THOC2: variants seen among roughly 807,000 people sequenced by gnomAD.
The protein encoded by THOC2 is THO complex subunit 2.
In THOC2, 10 loss-of-function variants were observed where a neutral mutation model predicts 128.4. That is an observed-to-expected ratio of 0.08 (90% CI 0.05 to 0.13). The LOEUF (loss-of-function observed/expected upper bound fraction) is 0.13. THOC2 is among the 10% of genes least tolerant of loss of function. THOC2 has a pLI of 1.00. For synonymous variants in THOC2, 393 were observed against 396.9 expected, an observed-to-expected ratio of 0.99 and a Z score of 0.12; for missense variants, 535 against 1,155.7, an observed-to-expected ratio of 0.46 and a Z score of 7.79.
intron 7 of THOC2, among the ~76,000 whole-genome samples, chrX:123,686,966 T>C (rs1200972971): frequency 8.9e-6 from 1 of 111,938 alleles, no homozygotes; most frequent in Non-Finnish European, 1.9e-5. Context: ...GGACCAGTGA[T>C]ACCAGTCAAA....
intron 30 of THOC2, among the ~76,000 whole-genome samples, chrX:123,622,450 C>G (rs1488229554): frequency 5.3e-5 from 6 of 112,225 alleles, no homozygotes; most frequent in Admixed American, 3.8e-4. Flanking sequence ...GGATGTAAAG[C>G]GTATCAGCAA....
At chrX:123,730,225 C>T in intron 1 of THOC2, among the ~76,000 whole-genome samples, 1 of 107,294 alleles carries the variant, frequency 9.3e-6, no homozygotes, top group African/African-American at 3.4e-5. Flanking sequence ...GTTACCCATG[C>T]TGGAGTGCAA....
In THOC2 at chrX:123,696,100, C is replaced by T. The variant is rs774746042; in HGVS notation, c.522G>A (p.Lys174=). 1.3e-5 allele frequency: 16 copies of T among 1,187,616 alleles called. No homozygotes were observed. The highest frequency in any genetic ancestry group is 2.2e-5 in the Admixed American group (1 of 45,431). Residue 174 remains lysine, a synonymous_variant, in exon 7 of 39, where the codon AAG becomes AAA. Transcript: ENST00000245838. ...AATCTTGCCCCAATTCAGCAATCAG[C>T]TTGGCATAACCTTCATTCTCTTCTC... is the stretch of plus-strand genomic sequence containing the variant. ...LLREENEGYA[K]LIAELGQDLS...
At chrX:123,710,454 T>TA (rs1278036252) in intron 2 of THOC2, among the ~76,000 whole-genome samples, 1 of 112,146 alleles carries the variant, frequency 8.9e-6, no homozygotes, top group African/African-American at 3.2e-5. Context: ...AGAAAAAAGA[T>TA]AAAGTACCCA....
At chrX:123,672,858 G>T (rs2049335675) in intron 8 of THOC2, among the ~76,000 whole-genome samples, 1 of 112,402 alleles carries the variant, frequency 8.9e-6, no homozygotes, top group Non-Finnish European at 1.9e-5. Flanking sequence ...AATACACTAT[G>T]TTCTTTTTAT....
chrX:123,653,093 G>T (rs2048425334), intron 12 of THOC2, among the ~76,000 whole-genome samples: 1 of 111,603 alleles, frequency 9.0e-6, no homozygotes, highest in African/African-American at 3.3e-5. Flanking sequence ...CAATGGAACA[G>T]AACAGAAGCC....
intron 1 of THOC2, among the ~76,000 whole-genome samples, chrX:123,731,723 G>T (rs2052266429): frequency 9.0e-6 from 1 of 110,705 alleles, no homozygotes; most frequent in Non-Finnish European, 1.9e-5. Flanking sequence ...AGCTCACACT[G>T]TTAAGACTTC....
chrX:123,706,860 T>C lies in THOC2; in HGVS notation c.220A>G (p.Ser74Gly), dbSNP rs1213731346. The C allele has an allele frequency of 9.4e-7, 1 of 1,061,332 alleles. No homozygotes were observed. Among genetic ancestry groups the C allele is most frequent in the East Asian group, 3.2e-5 (1 of 31,360 alleles). 87.5% of individuals were successfully genotyped at this position (1,061,332 alleles called of 1,213,427 possible). Residue 74 changes from serine to glycine, a missense_variant and splice_region_variant, in exon 3 of 39, where the codon AGT (serine) becomes GGT (glycine). Ser to Gly is a moderately conservative substitution (Grantham distance 56, BLOSUM62 0). This residue lies in a region of THOC2 where 61 missense variants were observed against 84.3 expected (regional missense o/e 0.72). Coordinates refer to ENST00000245838, the MANE Select transcript of THOC2 (RefSeq NM_001081550.2). Reference protein sequence around the residue: ...EQASNVLSDISEFREDMPSIL... With the variant: ...EQASNVLSDIGEFREDMPSIL... ...TAAAAAAATATATACATACTTACAC[T>C]AATGTCACTAAGAACATTAGATGCC... is the stretch of plus-strand genomic sequence containing the variant.
intron 1 of THOC2, among the ~76,000 whole-genome samples, chrX:123,713,161 T>C (rs1433744608): frequency 8.9e-6 from 1 of 112,180 alleles, no homozygotes; most frequent in Non-Finnish European, 1.9e-5. Context: ...CATCTACCAA[T>C]GGCTGCTCAT....
chrX:123,664,857 T>A (rs2048988693), intron 12 of THOC2, among the ~76,000 whole-genome samples: 1 of 111,797 alleles, frequency 8.9e-6, no homozygotes, highest in Non-Finnish European at 1.9e-5. Context: ...TCAATAAAAA[T>A]CTTAGTAAAA....
chrX:123,650,739 A>G (rs2048320092), intron 12 of THOC2, among the ~76,000 whole-genome samples: 1 of 112,395 alleles, frequency 8.9e-6, no homozygotes, highest in African/African-American at 3.2e-5. Flanking sequence ...AAAGGGATCA[A>G]CGTAACAAGA....
At chrX:123,729,545 T>C (rs1164280776) in intron 1 of THOC2, among the ~76,000 whole-genome samples, 1 of 112,063 alleles carries the variant, frequency 8.9e-6, no homozygotes, top group Admixed American at 9.5e-5. Flanking sequence ...TGGTAAGAAG[T>C]GACAGACAAG....
At chrX:123,657,680 T>C (rs1327767418) in intron 12 of THOC2, among the ~76,000 whole-genome samples, 1 of 110,164 alleles carries the variant, frequency 9.1e-6, no homozygotes. Flanking sequence ...CCTGTGAAAT[T>C]ATACTTTAAA....
Position 123,614,193 on chromosome X carries a change from T to C in THOC2, c.4312-4A>G, listed in dbSNP as rs776954124. ...GAGGAGTATGATTAATGTAGAGCTGTTAAATTAAGGCAATATTACTAAAGA... is the reference window on the plus strand; with the variant it reads ...GAGGAGTATGATTAATGTAGAGCTGCTAAATTAAGGCAATATTACTAAAGA... On this transcript the variant is annotated splice_region_variant and splice_polypyrimidine_tract_variant and intron_variant, in intron 33 of 38. Transcript: ENST00000245838. The C allele has an allele frequency of 8.7e-7, 1 of 1,152,668 alleles. No homozygotes were observed. The highest frequency in any genetic ancestry group is 3.0e-5 in the East Asian group (1 of 32,851). 95.0% of individuals were successfully genotyped at this position (1,152,668 alleles called of 1,213,427 possible). A position where few individuals can be genotyped will look rare whatever the true frequency, so the allele number is the denominator to read the frequency against.
chrX:123,619,115 T>C (rs749391988), intron 33 of THOC2, among the ~76,000 whole-genome samples: 1 of 112,121 alleles, frequency 8.9e-6, no homozygotes, highest in Non-Finnish European at 1.9e-5. Context: ...TATTTCCAGA[T>C]TTTGAAAAAG....
chrX:123,625,078 A>G (rs2047214938), intron 25 of THOC2, among the ~76,000 whole-genome samples: 1 of 110,747 alleles, frequency 9.0e-6, no homozygotes, highest in Non-Finnish European at 1.9e-5. Flanking sequence ...TGGAACATAC[A>G]TTATGTTTTT....
At chrX:123,681,299 T>C (rs2049769803) in intron 8 of THOC2, among the ~76,000 whole-genome samples, 1 of 109,680 alleles carries the variant, frequency 9.1e-6, no homozygotes, top group Non-Finnish European at 1.9e-5. Context: ...TAATGTAAAG[T>C]TGATGAGAAA....
At chrX:123,610,411 C>T (rs774156574) in intron 38 of THOC2, 4 of 108,400 alleles carry the variant, frequency 3.7e-5, no homozygotes, top group Non-Finnish European at 5.7e-5. Flanking sequence ...AAAAATGGCA[C>T]GAAAACTTAA....
At chrX:123,646,730 G>C (rs1281381940) in intron 12 of THOC2, among the ~76,000 whole-genome samples, 1 of 111,741 alleles carries the variant, frequency 8.9e-6, no homozygotes, top group Non-Finnish European at 1.9e-5. Context: ...CATATATCCT[G>C]GTAAGCAAAG....
Sources: gnomAD v4.1 joint callset for allele counts (sites outside exome capture counted in the v4.1 genomes callset) on GRCh38, gnomAD v4.1.1 for gene constraint, gnomAD v4.1.1 regional missense constraint, MANE v1.5 for transcripts, NCBI Gene and HGNC (gene_info 2026-07-23, HGNC 2026-07-21) for gene names.